The following NSD3 variants were observed in gnomAD, a reference collection of about 807,000 sequenced individuals.
NSD3 encodes histone-lysine N-methyltransferase NSD3.
NSD3 carries 24 observed loss-of-function variants against 160.8 expected under a neutral mutation model. That is an observed-to-expected ratio of 0.15 (90% confidence interval 0.11 to 0.21). The LOEUF (loss-of-function observed/expected upper bound fraction) is 0.21. NSD3 is among the 10% of genes least tolerant of loss of function. NSD3 has a pLI of 1.00. For synonymous variants in NSD3, 520 were observed against 600.0 expected (o/e 0.87, Z 1.95); for missense variants, 1,157 against 1,735.9 (o/e 0.67, Z 5.93).
intron 2 of NSD3, among the ~76,000 whole-genome samples, chr8:38,346,536 C>T (rs182014466): frequency 6.1e-4 from 93 of 151,684 alleles, no homozygotes; most frequent in Non-Finnish European, 2.9e-5. Context: ...AGATCATTGC[C>T]TAGCACACAG....
rs1808555837 is a variant in NSD3 at position 38,274,612 on chromosome 8, T to C, written c.*1029A>G. 6.6e-6 allele frequency: 1 copy of C among 152,192 alleles called. No individual in the cohort carries two copies. Among genetic ancestry groups the C allele is most frequent in the Admixed American group, 6.5e-5 (1 of 15,282 alleles). 9.4% of individuals were successfully genotyped at this position (152,192 alleles called of 1,614,324 possible). On this transcript the variant is annotated 3_prime_UTR_variant, in exon 24 of 24. Transcript: ENST00000317025. Reference sequence around the variant, plus strand: ...GTGTGGTTTTACCAGGAAACATGACTGAATGGTCAGATGACAAAAGAAATG... The same window carrying C: ...GTGTGGTTTTACCAGGAAACATGACCGAATGGTCAGATGACAAAAGAAATG...
chr8:38,344,640 G>A (rs1215499166), intron 2 of NSD3, among the ~76,000 whole-genome samples: 1 of 152,132 alleles, frequency 6.6e-6, no homozygotes, highest in Non-Finnish European at 1.5e-5. Context: ...CTATGAGTGA[G>A]CTTTTAAGGA....
intron 1 of NSD3, among the ~76,000 whole-genome samples, chr8:38,374,126 A>T (rs994034975): frequency 1.3e-5 from 2 of 151,070 alleles, no homozygotes; most frequent in Non-Finnish European, 3.0e-5. Flanking sequence ...AAAAAAAAAA[A>T]ATTAGTTGGG....
chr8:38,295,061 A>G (rs1452099744), intron 16 of NSD3, among the ~76,000 whole-genome samples: 4 of 149,600 alleles, frequency 2.7e-5, no homozygotes, highest in African/African-American at 7.4e-5. Context: ...GGAGAATGGC[A>G]TGAACCCGGG....
chr8:38,348,481 G>A (rs969668781), intron 1 of NSD3, among the ~76,000 whole-genome samples: 4 of 152,062 alleles, frequency 2.6e-5, no homozygotes, highest in Admixed American at 2.0e-4. Context: ...ACCAACACAC[G>A]AAATAGTTTT....
At chr8:38,325,076 G>A (rs555326528) in intron 7 of NSD3, among the ~76,000 whole-genome samples, 1 of 152,330 alleles carries the variant, frequency 6.6e-6, no homozygotes, top group South Asian at 2.1e-4. Context: ...TCTAGCAAAT[G>A]ACTAAACCCA....
Position 38,314,790 on chromosome 8 carries a change from A to T in NSD3, c.2116-17T>A, listed in dbSNP as rs1441197865. ...TTCACAAATCTGTAATATGGCAAAA[A>T]GCAGTGGTTCTCAAACTTTGGCAAA... is the stretch of plus-strand genomic sequence containing the variant. On this transcript the variant is annotated splice_polypyrimidine_tract_variant and intron_variant, in intron 11 of 23. Transcript: ENST00000317025. 1.9e-6 allele frequency: 3 copies of T among 1,611,540 alleles called. No homozygotes were observed. The highest frequency in any genetic ancestry group is 2.5e-6 in the Non-Finnish European group (3 of 1,178,732).
intron 7 of NSD3, among the ~76,000 whole-genome samples, chr8:38,326,097 G>T (rs1809905186): frequency 1.3e-5 from 2 of 151,778 alleles, no homozygotes; most frequent in East Asian, 3.9e-4. Flanking sequence ...GCAGCGAACC[G>T]AGATTGAGCC....
rs185248112 is a variant in NSD3, at chr8:38,351,765, G to C, written c.-44-3550C>G. On this transcript the variant is annotated intron_variant, in intron 1 of 23. Coordinates refer to ENST00000317025, the MANE Select transcript of NSD3 (RefSeq NM_023034.2). ...AAACCATCATTCTCAGCAAACTATC[G>C]CAAGGACAAAAAACCAAACACCGCA... Among the ~76,000 whole-genome samples, 646 of 151,596 alleles carry C rather than the reference G, an allele frequency of 4.3e-3. 2 individuals are homozygous for C. The highest frequency in any genetic ancestry group is 0.015 in the African/African-American group (615 of 41,300).
At chr8:38,369,858 G>A (rs534820695) in intron 1 of NSD3, among the ~76,000 whole-genome samples, 6 of 151,948 alleles carry the variant, frequency 3.9e-5, no homozygotes, top group South Asian at 4.2e-4. Context: ...GCAGTGGCAC[G>A]ATCTCAGCTC....
chr8:38,359,278 G>A (rs1417111491), intron 1 of NSD3, among the ~76,000 whole-genome samples: 5 of 152,092 alleles, frequency 3.3e-5, no homozygotes, highest in Non-Finnish European at 7.4e-5. Context: ...TTTTGAAGTA[G>A]TACATACATA....
chr8:38,376,269 A>G (rs975455255), intron 1 of NSD3, among the ~76,000 whole-genome samples: 13 of 152,176 alleles, frequency 8.5e-5, no homozygotes, highest in Non-Finnish European at 1.3e-4. Context: ...TTTGCATGTA[A>G]AAATATTTTA....
intron 11 of NSD3, 112 bp from the exon 12 acceptor site, chr8:38,314,885 T>C: frequency 8.2e-7 from 1 of 1,225,230 alleles, no homozygotes; most frequent in Non-Finnish European, 1.1e-6. Context: ...TGTGATTCAG[T>C]AGGTCTGGCG....
chr8:38,372,708 C>A (rs1811279521), intron 1 of NSD3, among the ~76,000 whole-genome samples: 1 of 150,284 alleles, frequency 6.7e-6, no homozygotes, highest in African/African-American at 2.4e-5. Context: ...GTTGGCCAGG[C>A]TGGTCTCCAA....
At chr8:38,365,513 C>A (rs1273991309) in intron 1 of NSD3, among the ~76,000 whole-genome samples, 1 of 152,190 alleles carries the variant, frequency 6.6e-6, no homozygotes, top group Non-Finnish European at 1.5e-5. Flanking sequence ...CGCTCTGTCA[C>A]CCAAGCTGGA....
chr8:38,320,994 T>C, intron 8 of NSD3, 78 bp downstream of exon 8: 1 of 1,380,500 alleles, frequency 7.2e-7, no homozygotes, highest in Non-Finnish European at 1.0e-6. Context: ...GGAAAGTTTC[T>C]CTTTCTTTTA....
Position 38,329,221 on chromosome 8 carries a change from G to A in NSD3, c.1581+157C>T, listed in dbSNP as rs1382792383. On this transcript the variant is annotated intron_variant, in intron 6 of 23. Coordinates refer to ENST00000317025, the MANE Select transcript of NSD3 (RefSeq NM_023034.2). This position sits in a 1 kb window ranked among gnomAD's most constrained non-coding sequence, Gnocchi z 4.8. The stretch of plus-strand genomic sequence containing the variant: ...AAAAGAAGAAAAACATAGCCTTTTT[G>A]CCTGTCTTTTTTGCCCACAGAGTAC... 6.6e-6 allele frequency among the ~76,000 whole-genome samples: 1 copy of A among 152,066 alleles called. No individual in the cohort carries two copies. The highest frequency in any genetic ancestry group is 1.5e-5 in the Non-Finnish European group (1 of 68,000).
chr8:38,346,405 T>G (rs1277894502), intron 2 of NSD3, among the ~76,000 whole-genome samples: 11 of 148,038 alleles, frequency 7.4e-5, no homozygotes, highest in Non-Finnish European at 1.5e-4. Flanking sequence ...ATTGTATATA[T>G]GTATATATGT....
intron 7 of NSD3, among the ~76,000 whole-genome samples, chr8:38,322,290 T>C (rs1034990398): frequency 2.0e-5 from 3 of 152,226 alleles, no homozygotes; most frequent in Non-Finnish European, 4.4e-5. Flanking sequence ...CAATATATTG[T>C]TTTAGAGCTG....
Sources: gnomAD v4.1 joint callset for allele counts (sites outside exome capture counted in the v4.1 genomes callset) on GRCh38, gnomAD v4.1.1 for gene constraint, Gnocchi (gnomAD v3.1) non-coding constraint, MANE v1.5 for transcripts, NCBI Gene and HGNC (gene_info 2026-07-23, HGNC 2026-07-21) for gene names.